The following STK10 variants were observed in gnomAD, a reference collection of about 807,000 sequenced individuals.
STK10 encodes serine/threonine kinase 10.
Under a neutral mutation model 113.8 loss-of-function variants are expected in STK10, and 78 were observed. The ratio of observed to expected loss-of-function variants is 0.69; its 90% CI spans 0.57 to 0.83. STK10 has a LOEUF of 0.83. Ranked by LOEUF, STK10 falls within the 40% of genes least tolerant of loss-of-function variation. The probability of loss-of-function intolerance (pLI) is 0.00; values close to 1 mark genes in which losing one functional copy is unlikely to be tolerated. For missense variants in STK10, 1,109 were observed against 1,280.1 expected (o/e 0.87, Z 2.04); for synonymous variants, 465 against 494.7 (o/e 0.94, Z 0.80).
chr5:172,084,030 T>C (rs1159873415), intron 10 of STK10, among the ~76,000 whole-genome samples: 3 of 151,612 alleles, frequency 2.0e-5, no homozygotes, highest in Non-Finnish European at 4.4e-5. Context: ...ATAAAGTATA[T>C]TGATATGATG....
intron 14 of STK10, among the ~76,000 whole-genome samples, chr5:172,060,623 G>A (rs1767911262): frequency 6.6e-6 from 1 of 152,210 alleles, no homozygotes; most frequent in Non-Finnish European, 1.5e-5. Context: ...ATGAATGTCT[G>A]TTGTTGATAA....
chr5:172,059,821 A>T (rs1452585273), intron 14 of STK10, among the ~76,000 whole-genome samples: 1 of 152,190 alleles, frequency 6.6e-6, no homozygotes, highest in Admixed American at 6.5e-5. Flanking sequence ...CTGGTATGCT[A>T]CTGCCATCTT....
chr5:172,105,655 C>T lies in STK10; in HGVS notation c.870+1G>A. ...GCAGAGTGGGAGGGGAATCCACTCA[C>T]CTCCAGCAGCTGCGCGGCACTGGGT... On this transcript the variant is annotated splice_donor_variant, in intron 7 of 18. Coordinates refer to ENST00000176763, the MANE Select transcript of STK10 (RefSeq NM_005990.4). LOFTEE classifies it high-confidence loss of function. The T allele has an allele frequency of 6.2e-7, 1 of 1,613,784 alleles. No homozygotes were observed. The highest frequency in any genetic ancestry group is 8.5e-7 in the Non-Finnish European group (1 of 1,180,004).
At chr5:172,166,502 T>C (rs1388849494) in intron 1 of STK10, among the ~76,000 whole-genome samples, 2 of 152,070 alleles carry the variant, frequency 1.3e-5, no homozygotes, top group Non-Finnish European at 2.9e-5. Flanking sequence ...CCCACCATAA[T>C]CTATAAGGTG....
At chr5:172,074,211 A>G (rs58236412) in intron 12 of STK10, among the ~76,000 whole-genome samples, 1 of 151,968 alleles carries the variant, frequency 6.6e-6, no homozygotes, top group Admixed American at 6.6e-5. Context: ...GTTTATATAG[A>G]AAGGCAAAAG....
intron 2 of STK10, among the ~76,000 whole-genome samples, chr5:172,141,732 T>G (rs1377911777): frequency 6.6e-6 from 1 of 152,088 alleles, no homozygotes; most frequent in African/African-American, 2.4e-5. Flanking sequence ...ACTCCTTGTT[T>G]CCCTGGCAAC....
intron 4 of STK10, among the ~76,000 whole-genome samples, chr5:172,109,684 G>A (rs939531158): frequency 1.3e-5 from 2 of 152,094 alleles, no homozygotes; most frequent in Admixed American, 6.5e-5. Flanking sequence ...AGAATTCAGC[G>A]CTACCAAGAG....
rs1461538173 is a variant in STK10 at position 172,052,983 on chromosome 5, C to G, written c.2712G>C (p.Glu904Asp). The change falls in exon 18 of 19, where the codon GAG becomes GAC. Residue 904 changes from glutamate to aspartate, a missense_variant. Physicochemically the swap from Glu to Asp is conservative, Grantham distance 45 (BLOSUM62 2). Coordinates refer to ENST00000176763, the MANE Select transcript of STK10 (RefSeq NM_005990.4). ...ATTCCTTCAGGTTCTGGTTATGGCTCTCATCCAGGGCCTTCAGTTTCTGGG... is the reference window on the plus strand; with the variant it reads ...ATTCCTTCAGGTTCTGGTTATGGCTGTCATCCAGGGCCTTCAGTTTCTGGG... ...HETQKLKALDESHNQNLKEWR... is the reference protein window; with the variant it reads ...HETQKLKALDDSHNQNLKEWR... The G allele has an allele frequency of 6.2e-7, 1 of 1,614,074 alleles. No individual in the cohort carries two copies. Among genetic ancestry groups the G allele is most frequent in the Non-Finnish European group, 8.5e-7 (1 of 1,180,052 alleles).
chr5:172,071,188 G>A lies in STK10; in HGVS notation c.1990-6376C>T, dbSNP rs375485615. On this transcript the variant is annotated intron_variant, in intron 12 of 18. Transcript: ENST00000176763. ...TGCACCACTGCTCTCCAGCCTGGGC[G>A]ACAGAGTGAGACGCTCTCTATCTCA... is the stretch of plus-strand genomic sequence containing the variant. 1.3e-3 allele frequency among the ~76,000 whole-genome samples: 148 copies of A among 111,158 alleles called. 1 individual carries two copies. Among genetic ancestry groups the A allele is most frequent in the African/African-American group, 5.1e-3 (144 of 28,238 alleles). The allele number at this position is 111,158 out of a possible 152,430, so 72.9% of individuals were successfully genotyped here.
chr5:172,051,469 A>G (rs1291158014), intron 18 of STK10, among the ~76,000 whole-genome samples: 1 of 151,876 alleles, frequency 6.6e-6, no homozygotes, highest in Non-Finnish European at 1.5e-5. Context: ...TACTAAAAAT[A>G]GAAAAACTAG....
Position 172,187,229 on chromosome 5 carries a change from G to C in STK10, c.156+658C>G, listed in dbSNP as rs756789366. Among the ~76,000 whole-genome samples, 14 of 152,064 alleles carry C rather than the reference G, an allele frequency of 9.2e-5. No individual in the cohort carries two copies. The highest frequency in any genetic ancestry group is 1.8e-4 in the Non-Finnish European group (12 of 68,008). ...TAGGGGAGAGGTGACTGCAGGCTGG[G>C]AGACTCCCCAGCTGTGACTCAGACC... On this transcript the variant is annotated intron_variant, in intron 1 of 18. Coordinates refer to ENST00000176763, the MANE Select transcript of STK10 (RefSeq NM_005990.4). This position sits in a 1 kb window ranked among gnomAD's most constrained non-coding sequence, Gnocchi z 4.6.
At chr5:172,097,836 TA>T (rs1019477811) in intron 7 of STK10, among the ~76,000 whole-genome samples, 3 of 152,202 alleles carry the variant, frequency 2.0e-5, no homozygotes, top group Non-Finnish European at 2.9e-5. Flanking sequence ...GTCAGAGTCT[TA>T]TTTAAAAGTG....
chr5:172,078,787 A>T (rs55794410), intron 12 of STK10, among the ~76,000 whole-genome samples: 1 of 151,940 alleles, frequency 6.6e-6, no homozygotes, highest in South Asian at 2.1e-4. Context: ...CCTCGTTCAG[A>T]GGCAGGCTCG....
intron 14 of STK10, among the ~76,000 whole-genome samples, 186 bp downstream of exon 14, chr5:172,060,953 A>G (rs1767917930): frequency 6.6e-6 from 1 of 152,188 alleles, no homozygotes; most frequent in African/African-American, 2.4e-5. Context: ...CTTGGTGACA[A>G]CTGGTGTCCT....
chr5:172,187,506 G>A lies in STK10; in HGVS notation c.156+381C>T, dbSNP rs1770973042. ...TCTGTGGTCTCTCTTAAAAAAAAAA[G>A]TGTGCCCGTATCGCCGTTTTACGGA... On this transcript the variant is annotated intron_variant, in intron 1 of 18. Coordinates refer to ENST00000176763, the MANE Select transcript of STK10 (RefSeq NM_005990.4). The surrounding 1 kb of genome is among the most constrained non-coding windows in gnomAD (Gnocchi z 4.6). 6.6e-6 allele frequency among the ~76,000 whole-genome samples: 1 copy of A among 152,010 alleles called. No individual in the cohort carries two copies. Among genetic ancestry groups the A allele is most frequent in the Non-Finnish European group, 1.5e-5 (1 of 67,978 alleles).
At chr5:172,097,944 C>T (rs544192256) in intron 7 of STK10, among the ~76,000 whole-genome samples, 4 of 152,198 alleles carry the variant, frequency 2.6e-5, no homozygotes, top group Admixed American at 6.5e-5. Flanking sequence ...CCGGGTATAG[C>T]CAGGGATGTG....
intron 1 of STK10, among the ~76,000 whole-genome samples, chr5:172,165,798 T>C (rs1419567183): frequency 4.7e-5 from 1 of 21,180 alleles, no homozygotes; most frequent in South Asian, 1.1e-3. Context: ...GTTTGCTTTT[T>C]TTTTTTTTTT....
intron 13 of STK10, chr5:172,061,502 A>T (rs1390446318): frequency 4.5e-6 from 2 of 439,626 alleles, no homozygotes; most frequent in African/African-American, 4.1e-5. Flanking sequence ...CCAGAGCTGG[A>T]GTGCAGTGGC....
At chr5:172,178,919 T>C (rs1242181812) in intron 1 of STK10, among the ~76,000 whole-genome samples, 2 of 152,170 alleles carry the variant, frequency 1.3e-5, no homozygotes, top group Non-Finnish European at 2.9e-5. Context: ...TGTTCTGGCA[T>C]CCAGTGGGCT....
Sources: gnomAD v4.1 joint callset for allele counts (sites outside exome capture counted in the v4.1 genomes callset) on GRCh38, gnomAD v4.1.1 for gene constraint, Gnocchi (gnomAD v3.1) non-coding constraint, MANE v1.5 for transcripts, NCBI Gene and HGNC (gene_info 2026-07-23, HGNC 2026-07-21) for gene names.